The following NPAS3 variants were observed in gnomAD, a reference collection of about 807,000 sequenced individuals.
NPAS3 encodes the protein neuronal PAS domain-containing protein 3.
Under a neutral mutation model 73.1 loss-of-function variants are expected in NPAS3, and 14 were observed. The ratio of observed to expected loss-of-function variants is 0.19; its 90% confidence interval spans 0.13 to 0.30. The LOEUF (loss-of-function observed/expected upper bound fraction) is 0.30. Among genes scored for constraint, NPAS3 ranks in the 10% least tolerant of loss-of-function variants. The pLI is 1.00. For missense variants in NPAS3, 1,096 were observed against 1,250.0 expected (o/e 0.88, Z 1.86); for synonymous variants, 620 against 541.5 (o/e 1.14, Z -2.01).
chr14:33,597,508 G>A (rs1307872079), intron 5 of NPAS3, among the ~76,000 whole-genome samples: 1 of 152,202 alleles, frequency 6.6e-6, no homozygotes, highest in Admixed American at 6.5e-5. Context: ...ATGTCTCATG[G>A]CATCTCAATT....
chr14:33,713,033 C>T lies in NPAS3; in HGVS notation c.734-22181C>T, dbSNP rs143812671. Reference sequence around the variant, plus strand: ...CTCCTCCCAATTATCCCAGAGTCAACCCTTCTGAAAATGATCATCCCTTCT... The same window carrying T: ...CTCCTCCCAATTATCCCAGAGTCAATCCTTCTGAAAATGATCATCCCTTCT... On this transcript the variant is annotated intron_variant, in intron 6 of 11. Transcript: ENST00000356141. 5.4e-4 allele frequency among the ~76,000 whole-genome samples: 82 copies of T among 152,268 alleles called. No homozygotes were observed. In the East Asian group the frequency reaches 9.7e-3, roughly 18 times the overall value.
chr14:32,950,368 A>G (rs191839503), intron 1 of NPAS3, among the ~76,000 whole-genome samples: 125 of 152,244 alleles, frequency 8.2e-4, no homozygotes, highest in Non-Finnish European at 1.6e-3. Context: ...TATATGCAAG[A>G]GTTATAGTTA....
intron 3 of NPAS3, among the ~76,000 whole-genome samples, chr14:33,307,098 G>A (rs911371845): frequency 3.9e-5 from 6 of 152,176 alleles, no homozygotes; most frequent in African/African-American, 1.4e-4. Context: ...GTGGCTTAAT[G>A]TGCCTGGGCT....
chr14:33,621,879 GAC>G (rs1386510102), intron 5 of NPAS3, among the ~76,000 whole-genome samples: 1 of 152,128 alleles, frequency 6.6e-6, no homozygotes, highest in Non-Finnish European at 1.5e-5. Flanking sequence ...CTCAGAAAAA[GAC>G]ACAGTACAAA....
chr14:33,603,880 A>AAACTAGCACC (rs1458092774), intron 5 of NPAS3, among the ~76,000 whole-genome samples: 1 of 152,138 alleles, frequency 6.6e-6, no homozygotes. Flanking sequence ...ATGCATGATG[A>AAACTAGCACC]AACTAGCACC....
At chr14:33,375,517 T>A (rs1386065067) in intron 4 of NPAS3, among the ~76,000 whole-genome samples, 7 of 152,200 alleles carry the variant, frequency 4.6e-5, no homozygotes, top group African/African-American at 1.7e-4. Context: ...AAGATAATTT[T>A]GCATATTTAA....
intron 4 of NPAS3, among the ~76,000 whole-genome samples, chr14:33,434,192 C>CTAAA (rs893332869): frequency 4.8e-4 from 72 of 151,438 alleles, no homozygotes; most frequent in African/African-American, 1.4e-3. Context: ...AACTCCGTCT[C>CTAAA]TAAATAAATA....
At chr14:33,032,511 C>A (rs1370342143) in intron 1 of NPAS3, among the ~76,000 whole-genome samples, 1 of 152,192 alleles carries the variant, frequency 6.6e-6, no homozygotes, top group Admixed American at 6.5e-5. Flanking sequence ...TGACTTCTAA[C>A]TGCTAGCATT....
At chr14:33,049,360 T>C (rs1208447541) in intron 1 of NPAS3, among the ~76,000 whole-genome samples, 1 of 152,166 alleles carries the variant, frequency 6.6e-6, no homozygotes, top group Non-Finnish European at 1.5e-5. Context: ...TTCATGCTGC[T>C]GATAAAGACA....
At chr14:33,501,088 G>A (rs1034920295) in intron 4 of NPAS3, among the ~76,000 whole-genome samples, 2 of 151,954 alleles carry the variant, frequency 1.3e-5, no homozygotes, top group African/African-American at 2.4e-5. Context: ...TTAGCTACCA[G>A]AAGTCATATC....
intron 3 of NPAS3, among the ~76,000 whole-genome samples, chr14:33,308,527 T>TATATATATATATACACACACACACAC: frequency 7.7e-5 from 8 of 103,732 alleles, no homozygotes; most frequent in African/African-American, 3.7e-4. Flanking sequence ...TATATATATA[T>TATATATATATATACACACACACACAC]ACATACACAC....
intron 2 of NPAS3, among the ~76,000 whole-genome samples, chr14:33,137,618 G>C (rs2043885910): frequency 6.6e-6 from 1 of 152,126 alleles, no homozygotes; most frequent in Non-Finnish European, 1.5e-5. Flanking sequence ...ATCAAGATTA[G>C]TGGAAATTGT....
At chr14:33,527,439 A>G (rs1274951050) in intron 4 of NPAS3, among the ~76,000 whole-genome samples, 1 of 152,114 alleles carries the variant, frequency 6.6e-6, no homozygotes, top group Non-Finnish European at 1.5e-5. Flanking sequence ...ACAAAATAAG[A>G]TGTTATCTCT....
At chr14:33,617,976 A>T (rs115700751) in intron 5 of NPAS3, among the ~76,000 whole-genome samples, 1,599 of 152,318 alleles carry the variant, frequency 0.01, 28 homozygotes, top group African/African-American at 0.036. Flanking sequence ...AATAGCTTTT[A>T]GGCACAGTAA....
chr14:33,613,909 C>T (rs2057833031), intron 5 of NPAS3, among the ~76,000 whole-genome samples: 1 of 152,118 alleles, frequency 6.6e-6, no homozygotes, highest in South Asian at 2.1e-4. Flanking sequence ...GGGTAATTAC[C>T]TGTGTGCTTC....
chr14:33,547,392 T>C (rs1332149654), intron 4 of NPAS3, among the ~76,000 whole-genome samples: 3 of 152,172 alleles, frequency 2.0e-5, no homozygotes, highest in African/African-American at 7.2e-5. Flanking sequence ...AAATTTACAC[T>C]AGCCAACACA....
At chr14:33,530,979 G>A (rs146060974) in intron 4 of NPAS3, among the ~76,000 whole-genome samples, 3 of 152,156 alleles carry the variant, frequency 2.0e-5, no homozygotes, top group African/African-American at 7.2e-5. Flanking sequence ...TTCTCTGTAT[G>A]GGTAAACAGT....
chr14:33,366,775 A>C (rs907244082), intron 3 of NPAS3, among the ~76,000 whole-genome samples: 1 of 152,182 alleles, frequency 6.6e-6, no homozygotes, highest in South Asian at 2.1e-4. Context: ...AGAAGATGTA[A>C]GAAGTTTAGT....
chr14:33,567,617 C>A (rs1270270190), intron 5 of NPAS3, among the ~76,000 whole-genome samples: 1 of 152,162 alleles, frequency 6.6e-6, no homozygotes, highest in Non-Finnish European at 1.5e-5. Context: ...CTAGTAAATG[C>A]CATCCGAATT....
Sources: allele counts gnomAD v4.1 joint callset (sites outside exome capture counted in the v4.1 genomes callset), GRCh38; gene constraint gnomAD v4.1.1; transcripts MANE v1.5; gene names NCBI Gene and HGNC (gene_info 2026-07-23, HGNC 2026-07-21).